Variants in RIPPLY3 observed in about 807,000 individuals in gnomAD.
The protein encoded by RIPPLY3 is protein ripply3.
A neutral mutation model predicts 11.9 loss-of-function variants in RIPPLY3; 8 were observed. The ratio of observed to expected loss-of-function variants is 0.67; its 90% CI spans 0.40 to 1.21. The LOEUF (loss-of-function observed/expected upper bound fraction) is 1.21, where lower values mean the gene tolerates loss of function less well. Among genes scored for constraint, RIPPLY3 ranks in the 50% most tolerant of loss-of-function variants. The pLI is 0.01. For synonymous variants in RIPPLY3, 102 were observed against 99.0 expected (o/e 1.03, Z -0.18); for missense variants, 271 against 246.0 (o/e 1.10, Z -0.68).
rs530000735 is a variant in RIPPLY3, at chr21:37,013,190, C to G, written c.172-361C>G. Among the ~76,000 whole-genome samples the G allele has an allele frequency of 5.3e-5, 8 of 152,310 alleles. No homozygotes were observed. In the South Asian group the frequency reaches 1.7e-3, roughly 32 times the overall value. On this transcript the variant is annotated intron_variant, in intron 2 of 3. Coordinates refer to ENST00000329553, the MANE Select transcript of RIPPLY3 (RefSeq NM_018962.3). Reference sequence around the variant, plus strand: ...ACATGCCACAGATGTCTCTGCGAGGCCCTTCATGAACCCGTTCCTGACCTT... The same window carrying G: ...ACATGCCACAGATGTCTCTGCGAGGGCCTTCATGAACCCGTTCCTGACCTT...
chr21:37,015,558 A>T (rs2069569244), intron 3 of RIPPLY3, among the ~76,000 whole-genome samples: 2 of 152,200 alleles, frequency 1.3e-5, no homozygotes, highest in African/African-American at 4.8e-5. Context: ...ATTTCACTTT[A>T]TATTTTTATT....
intron 3 of RIPPLY3, among the ~76,000 whole-genome samples, chr21:37,016,073 A>G (rs187690647): frequency 2.6e-5 from 4 of 152,298 alleles, no homozygotes; most frequent in East Asian, 1.9e-4. Flanking sequence ...ATACTTCAGC[A>G]TAAATACCTA....
intron 3 of RIPPLY3, among the ~76,000 whole-genome samples, chr21:37,016,112 T>C (rs2069575402): frequency 6.6e-6 from 1 of 152,144 alleles, no homozygotes; most frequent in Admixed American, 6.5e-5. Context: ...AATGGAACTA[T>C]GCTCATATTT....
intron 2 of RIPPLY3, among the ~76,000 whole-genome samples, chr21:37,010,424 C>A (rs921176656): frequency 1.3e-5 from 2 of 152,140 alleles, no homozygotes; most frequent in Non-Finnish European, 1.5e-5. Context: ...ACCTGGGAGG[C>A]AGAGGTTGCA....
chr21:37,008,087 C>A, intron 1 of RIPPLY3, 70 bp from the exon 2 acceptor site: 1 of 1,522,512 alleles, frequency 6.6e-7, no homozygotes, highest in Non-Finnish European at 9.1e-7. Context: ...CTAAGAATAG[C>A]TCTCATGGCA....
At chr21:37,007,169 A>G (rs1191267853) in intron 1 of RIPPLY3, among the ~76,000 whole-genome samples, 1 of 152,016 alleles carries the variant, frequency 6.6e-6, no homozygotes, top group East Asian at 1.9e-4. Context: ...CCAGCCGGGG[A>G]CACTGCAGTC....
In RIPPLY3 at chr21:37,006,730, G is replaced by T. The variant is rs2069467501; in HGVS notation, c.-43G>T. 1 of 1,182,816 alleles carries T rather than the reference G, an allele frequency of 8.5e-7. No homozygotes were observed. The highest frequency in any genetic ancestry group is 1.6e-5 in the African/African-American group (1 of 63,134). The allele number at this position is 1,182,816 out of a possible 1,614,324, so 73.3% of individuals were successfully genotyped here. Reference sequence around the variant, plus strand: ...AGCCCGAGTGGATCTAGGCGCGCTCGTAGGCCGGCGCCGCAGCAAGGGGCG... The same window carrying T: ...AGCCCGAGTGGATCTAGGCGCGCTCTTAGGCCGGCGCCGCAGCAAGGGGCG... On this transcript the variant is annotated 5_prime_UTR_variant, in exon 1 of 4. Coordinates refer to ENST00000329553, the MANE Select transcript of RIPPLY3 (RefSeq NM_018962.3). This position sits in a 1 kb window ranked among gnomAD's most constrained non-coding sequence, Gnocchi z 5.2.
At chr21:37,015,450 C>T (rs1271735249) in intron 3 of RIPPLY3, among the ~76,000 whole-genome samples, 2 of 152,172 alleles carry the variant, frequency 1.3e-5, no homozygotes, top group African/African-American at 4.8e-5. Flanking sequence ...AGGCTGTGAT[C>T]ACAGCCACCG....
At chr21:37,008,120 C>T in intron 1 of RIPPLY3, 37 bp from the exon 2 acceptor site, 1 of 1,608,864 alleles carries the variant, frequency 6.2e-7, no homozygotes, top group Non-Finnish European at 8.5e-7. Flanking sequence ...AGCAGAAGTG[C>T]CCAGGGTTCA....
intron 3 of RIPPLY3, among the ~76,000 whole-genome samples, chr21:37,016,580 C>T (rs1277763934): frequency 6.6e-6 from 1 of 152,152 alleles, no homozygotes; most frequent in Non-Finnish European, 1.5e-5. Context: ...TACCTGTAAT[C>T]TCACACTTTG....
intron 2 of RIPPLY3, among the ~76,000 whole-genome samples, chr21:37,012,281 A>G (rs1266167905): frequency 1.3e-5 from 2 of 151,166 alleles, no homozygotes; most frequent in Non-Finnish European, 2.9e-5. Context: ...CTCTGTTGCC[A>G]GGCTGGAGTG....
chr21:37,014,759 C>G (rs2069561129), intron 3 of RIPPLY3, among the ~76,000 whole-genome samples: 1 of 152,224 alleles, frequency 6.6e-6, no homozygotes, highest in Non-Finnish European at 1.5e-5. Flanking sequence ...TGACATCTCA[C>G]TCTGTCACCC....
chr21:37,014,591 G>A (rs763229885), intron 3 of RIPPLY3, among the ~76,000 whole-genome samples: 2 of 152,068 alleles, frequency 1.3e-5, no homozygotes, highest in African/African-American at 4.8e-5. Flanking sequence ...TGCCTGGGCC[G>A]CCTCCACCAG....
At chr21:37,009,750 G>GA (rs1297494962) in intron 2 of RIPPLY3, among the ~76,000 whole-genome samples, 1 of 152,196 alleles carries the variant, frequency 6.6e-6, no homozygotes, top group Non-Finnish European at 1.5e-5. Context: ...CCGTTTGTGA[G>GA]AAAAATTTAC....
Position 37,018,343 on chromosome 21 carries a change from A to G in RIPPLY3, c.*136A>G, listed in dbSNP as rs1259290755. ...TTCTCGGGCAGCCCCTGGCCTGCAC[A>G]CTACTCATGACAGAAAGTCAGCTTT... is the stretch of plus-strand genomic sequence containing the variant. On this transcript the variant is annotated 3_prime_UTR_variant, in exon 4 of 4. Coordinates refer to ENST00000329553, the MANE Select transcript of RIPPLY3 (RefSeq NM_018962.3). The G allele has an allele frequency of 4.5e-6, 3 of 660,324 alleles. No individual in the cohort carries two copies. Among genetic ancestry groups the G allele is most frequent in the East Asian group, 2.7e-5 (1 of 36,578 alleles). The allele number at this position is 660,324 out of a possible 1,614,324, so 40.9% of individuals were successfully genotyped here.
At chr21:37,007,172 C>T (rs1388082438) in intron 1 of RIPPLY3, among the ~76,000 whole-genome samples, 3 of 152,186 alleles carry the variant, frequency 2.0e-5, no homozygotes, top group Admixed American at 6.5e-5. Context: ...GCCGGGGACA[C>T]TGCAGTCTCG....
chr21:37,012,105 C>T (rs1036810007), intron 2 of RIPPLY3, among the ~76,000 whole-genome samples: 1 of 151,552 alleles, frequency 6.6e-6, no homozygotes, highest in East Asian at 1.9e-4. Flanking sequence ...CCTTCCTTGT[C>T]AGGCCATAGT....
chr21:37,006,981 C>A lies in RIPPLY3; in HGVS notation c.104+105C>A. The A allele has an allele frequency of 1.5e-6, 1 of 651,720 alleles. No individual in the cohort carries two copies. Among genetic ancestry groups the A allele is most frequent in the Non-Finnish European group, 2.1e-6 (1 of 468,754 alleles). 40.4% of individuals were successfully genotyped at this position (651,720 alleles called of 1,614,324 possible). ...CTGGGGCGCTGCTGAACCCCCGATC[C>A]CCAGCGGAGCTCCGGAGCTCGACGG... On this transcript the variant is annotated intron_variant, in intron 1 of 3. Coordinates refer to ENST00000329553, the MANE Select transcript of RIPPLY3 (RefSeq NM_018962.3). This position sits in a 1 kb window ranked among gnomAD's most constrained non-coding sequence, Gnocchi z 5.2.
chr21:37,011,385 A>G (rs565613943), intron 2 of RIPPLY3, among the ~76,000 whole-genome samples: 2 of 152,300 alleles, frequency 1.3e-5, no homozygotes, highest in East Asian at 3.9e-4. Context: ...GAATGTTTTA[A>G]CAGGGTCCAG....
Sources: allele counts gnomAD v4.1 joint callset (sites outside exome capture counted in the v4.1 genomes callset), GRCh38; gene constraint gnomAD v4.1.1; non-coding constraint Gnocchi (gnomAD v3.1); transcripts MANE v1.5; gene names NCBI Gene and HGNC (gene_info 2026-07-23, HGNC 2026-07-21).